The following FGF23 variants were observed in gnomAD, a reference collection of about 807,000 sequenced individuals.
FGF23 encodes fibroblast growth factor 23.
FGF23 carries 8 observed loss-of-function variants against 9.0 expected under a neutral mutation model. The observed-to-expected ratio is 0.89, with a 90% CI of 0.52 to 1.60. FGF23 has a LOEUF of 1.60. FGF23 is among the 40% of genes most tolerant of loss of function. The pLI, the probability that FGF23 is intolerant of heterozygous loss-of-function variation, is 0.00. For missense variants in FGF23, 311 were observed against 344.3 expected, an observed-to-expected ratio of 0.90 and a Z score of 0.77; for synonymous variants, 118 against 146.2, an observed-to-expected ratio of 0.81 and a Z score of 1.39.
Position 4,370,392 on chromosome 12 carries a change from G to C in FGF23, c.707C>G (p.Ala236Gly). Reference protein sequence around the residue: ...VVRGGRVNTHAGGTGPEGCRP... With the variant: ...VVRGGRVNTHGGGTGPEGCRP... ...GCAGCCTTCCGGGCCCGTTCCCCCAGCGTGCGTGTTCACTCGACCGCCCCT... is the reference window on the plus strand; with the variant it reads ...GCAGCCTTCCGGGCCCGTTCCCCCACCGTGCGTGTTCACTCGACCGCCCCT... The change falls in exon 3 of 3, where the codon GCT becomes GGT. Residue 236 changes from alanine to glycine, a missense_variant. Transcript: ENST00000237837. The C allele has an allele frequency of 1.9e-6, 3 of 1,613,724 alleles. 1 individual carries two copies. Among genetic ancestry groups the C allele is most frequent in the South Asian group, 2.2e-5 (2 of 91,072 alleles).
Position 4,369,850 on chromosome 12 carries a change from A to G in FGF23, c.*493T>C. The G allele has an allele frequency of 4.3e-6, 1 of 232,832 alleles. No individual in the cohort carries two copies. Among genetic ancestry groups the G allele is most frequent in the Non-Finnish European group, 8.5e-6 (1 of 118,102 alleles). 14.4% of individuals were successfully genotyped at this position (232,832 alleles called of 1,614,324 possible). On this transcript the variant is annotated 3_prime_UTR_variant, in exon 3 of 3. Coordinates refer to ENST00000237837, the MANE Select transcript of FGF23 (RefSeq NM_020638.3). ...CAGCTGTTAATGTCAAGGTTTGCAC[A>G]CTCAAATGCCAGTGGGATCGGGGCA...
At chr12:4,372,004 T>G (rs905991466) in intron 2 of FGF23, among the ~76,000 whole-genome samples, 4 of 151,580 alleles carry the variant, frequency 2.6e-5, no homozygotes, top group South Asian at 2.1e-4. Context: ...CCATAAAAAA[T>G]GATGAGTTCA....
Position 4,370,389 on chromosome 12 carries a change from C to G in FGF23, c.710G>C (p.Gly237Ala). ...GCGGCAGCCTTCCGGGCCCGTTCCC[C>G]CAGCGTGCGTGTTCACTCGACCGCC... ...VRGGRVNTHA[G>A]GTGPEGCRPF... The change falls in exon 3 of 3, where the codon GGG becomes GCG. Residue 237 changes from glycine to alanine, a missense_variant. Coordinates refer to ENST00000237837, the MANE Select transcript of FGF23 (RefSeq NM_020638.3). The G allele has an allele frequency of 6.2e-7, 1 of 1,613,712 alleles. No individual in the cohort carries two copies.
intron 1 of FGF23, among the ~76,000 whole-genome samples, chr12:4,374,011 C>T (rs1301666741): frequency 1.3e-5 from 2 of 152,132 alleles, no homozygotes; most frequent in African/African-American, 4.8e-5. Context: ...TTCTCCTATC[C>T]CATGCAGGCT....
intron 1 of FGF23, among the ~76,000 whole-genome samples, chr12:4,378,543 G>A (rs7301506): frequency 9.2e-5 from 14 of 152,292 alleles, no homozygotes; most frequent in East Asian, 7.7e-4. Flanking sequence ...ATTGTGGATT[G>A]TGATCCAATT....
intron 1 of FGF23, among the ~76,000 whole-genome samples, chr12:4,375,422 G>A (rs1259657351): frequency 6.6e-6 from 1 of 152,234 alleles, no homozygotes; most frequent in East Asian, 1.9e-4. Context: ...CCATCAAACA[G>A]TGTGAGCCAA....
chr12:4,371,352 C>CT (rs1253352530), intron 2 of FGF23, among the ~76,000 whole-genome samples: 1 of 152,194 alleles, frequency 6.6e-6, no homozygotes, highest in Non-Finnish European at 1.5e-5. Flanking sequence ...TCAGGACTAT[C>CT]TACATGCCTA....
At chr12:4,378,379 T>G (rs1339085528) in intron 1 of FGF23, among the ~76,000 whole-genome samples, 2 of 152,242 alleles carry the variant, frequency 1.3e-5, no homozygotes, top group Non-Finnish European at 2.9e-5. Flanking sequence ...TGGATCAGTT[T>G]GCATTTTTCT....
rs1865039493 is a variant in FGF23, at chr12:4,369,803, G to A, written c.*540C>T. 4.3e-6 allele frequency: 1 copy of A among 230,186 alleles called. No individual in the cohort carries two copies. Among genetic ancestry groups the A allele is most frequent in the Admixed American group, 5.7e-5 (1 of 17,692 alleles). 14.3% of individuals were successfully genotyped at this position (230,186 alleles called of 1,614,324 possible). The stretch of plus-strand genomic sequence containing the variant: ...GGAAGAACGAAGGCTTGAAAGTAGT[G>A]TTTTCATCAACTTGCCCCATTCAGC... On this transcript the variant is annotated 3_prime_UTR_variant, in exon 3 of 3. Coordinates refer to ENST00000237837, the MANE Select transcript of FGF23 (RefSeq NM_020638.3).
intron 1 of FGF23, among the ~76,000 whole-genome samples, chr12:4,373,822 A>G (rs373227541): frequency 1.3e-5 from 2 of 152,314 alleles, no homozygotes; most frequent in East Asian, 1.9e-4. Context: ...CCAGTTGCCT[A>G]TCACAGAATT....
chr12:4,375,413 C>T (rs1865107101), intron 1 of FGF23, among the ~76,000 whole-genome samples: 1 of 152,196 alleles, frequency 6.6e-6, no homozygotes, highest in African/African-American at 2.4e-5. Context: ...CAGACTCTTC[C>T]ATCAAACAGT....
At chr12:4,378,126 A>G (rs1428173992) in intron 1 of FGF23, among the ~76,000 whole-genome samples, 1 of 152,156 alleles carries the variant, frequency 6.6e-6, no homozygotes, top group Non-Finnish European at 1.5e-5. Flanking sequence ...TAGTACTTGA[A>G]GAGGTTAAAC....
At chr12:4,372,564 A>C (rs879208560) in intron 2 of FGF23, 30 bp downstream of exon 2, 3 of 1,322,548 alleles carry the variant, frequency 2.3e-6, no homozygotes, top group South Asian at 2.3e-5. Flanking sequence ...ATTGTTTGCA[A>C]ATGGTGACCA....
In FGF23 at chr12:4,377,404, T is replaced by C. The variant is rs116826920; in HGVS notation, c.211+1968A>G. On this transcript the variant is annotated intron_variant, in intron 1 of 2. Transcript: ENST00000237837. Reference sequence around the variant, plus strand: ...ATTTACCATAATCTACTATTCTGCATTTTAAATCACATATAGTCTTTTTTT... The same window carrying C: ...ATTTACCATAATCTACTATTCTGCACTTTAAATCACATATAGTCTTTTTTT... Among the ~76,000 whole-genome samples the C allele has an allele frequency of 1.8e-3, 272 of 151,564 alleles. 1 individual carries two copies. Among genetic ancestry groups the C allele is most frequent in the African/African-American group, 6.4e-3 (265 of 41,374 alleles).
chr12:4,374,797 CTGA>C (rs1865100101), intron 1 of FGF23, among the ~76,000 whole-genome samples: 1 of 151,944 alleles, frequency 6.6e-6, no homozygotes, highest in Non-Finnish European at 1.5e-5. Context: ...ATTGTTAGTA[CTGA>C]TTATTATTAT....
intron 1 of FGF23, among the ~76,000 whole-genome samples, chr12:4,375,239 G>C (rs1417814513): frequency 6.6e-6 from 1 of 152,182 alleles, no homozygotes; most frequent in Non-Finnish European, 1.5e-5. Flanking sequence ...GTTCTGACCT[G>C]CTGTTTATGC....
rs1038825676 is a variant in FGF23 at position 4,369,080 on chromosome 12, A to G, written c.*1263T>C. On this transcript the variant is annotated 3_prime_UTR_variant, in exon 3 of 3. Transcript: ENST00000237837. ...AACCGCAGTAATGGGGTAAGGCTTC[A>G]TTTAATGCACCAAGAATTTCCAAGG... The G allele has an allele frequency of 4.4e-6, 1 of 229,010 alleles. No homozygotes were observed. Among genetic ancestry groups the G allele is most frequent in the African/African-American group, 2.2e-5 (1 of 45,064 alleles). The allele number at this position is 229,010 out of a possible 1,614,324, so 14.2% of individuals were successfully genotyped here.
intron 2 of FGF23, 62 bp downstream of exon 2, chr12:4,372,532 T>C: frequency 9.8e-7 from 1 of 1,021,892 alleles, no homozygotes; most frequent in Non-Finnish European, 1.6e-6. Context: ...AAAGTCTATG[T>C]CGTGTCAAAG....
At chr12:4,377,954 A>T (rs1865136964) in intron 1 of FGF23, among the ~76,000 whole-genome samples, 1 of 152,208 alleles carries the variant, frequency 6.6e-6, no homozygotes, top group Non-Finnish European at 1.5e-5. Context: ...CTTCGGGTGC[A>T]TCAAGTGTAT....
Sources: gnomAD v4.1 joint callset for allele counts (sites outside exome capture counted in the v4.1 genomes callset) on GRCh38, gnomAD v4.1.1 for gene constraint, MANE v1.5 for transcripts, NCBI Gene and HGNC (gene_info 2026-07-23, HGNC 2026-07-21) for gene names.